KIAA1328: variants seen among roughly 807,000 people sequenced by gnomAD.
The protein encoded by KIAA1328 is KIAA1328.
A neutral mutation model predicts 68.1 loss-of-function variants in KIAA1328; 52 were observed. The observed-to-expected ratio is 0.76, with a 90% CI of 0.61 to 0.96. The LOEUF (loss-of-function observed/expected upper bound fraction) is 0.96, where lower values mean the gene tolerates loss of function less well. Among genes scored for constraint, KIAA1328 ranks in the 40% least tolerant of loss-of-function variants. The pLI is 0.00. For missense variants in KIAA1328, 641 were observed against 677.6 expected, an observed-to-expected ratio of 0.95 and a Z score of 0.60; for synonymous variants, 232 against 239.4, an observed-to-expected ratio of 0.97 and a Z score of 0.28.
At chr18:36,885,261 T>C (rs2150981797) in intron 4 of KIAA1328, among the ~76,000 whole-genome samples, 1 of 152,316 alleles carries the variant, frequency 6.6e-6, no homozygotes. Context: ...AATATATTTC[T>C]GTCCTGGATT....
At chr18:37,232,143 A>G (rs1194843777), downstream of KIAA1328, 1 of 152,216 alleles carries the variant, frequency 6.6e-6, no homozygotes, top group Non-Finnish European at 1.5e-5. Flanking sequence ...AGACTTTCTT[A>G]CATTGTAATA....
chr18:36,986,381 C>G (rs1333825317), intron 6 of KIAA1328, among the ~76,000 whole-genome samples: 2 of 150,822 alleles, frequency 1.3e-5, no homozygotes, highest in African/African-American at 2.4e-5. Context: ...CATAAAAACC[C>G]TAGAAGAAAA....
At chr18:37,130,132 T>A (rs2058487476) in intron 7 of KIAA1328, among the ~76,000 whole-genome samples, 1 of 152,152 alleles carries the variant, frequency 6.6e-6, no homozygotes, top group South Asian at 2.1e-4. Context: ...GGTTTATGGA[T>A]AATATATGGC....
Position 37,203,832 on chromosome 18 carries a change from C to T in KIAA1328, c.1524-18185C>T, listed in dbSNP as rs575651598. On this transcript the variant is annotated intron_variant, in intron 9 of 9. Transcript: ENST00000280020. ...AGATTCTTTTTTTTTTTTTTTGAGACGGAGTCTCGCTCTGTCGCCCAGGCT... is the reference window on the plus strand; with the variant it reads ...AGATTCTTTTTTTTTTTTTTTGAGATGGAGTCTCGCTCTGTCGCCCAGGCT... Among the ~76,000 whole-genome samples the T allele has an allele frequency of 4.9e-3, 729 of 148,554 alleles. 1 individual carries two copies. The highest frequency in any genetic ancestry group is 0.017 in the Middle Eastern group (5 of 288).
At chr18:37,055,716 A>G (rs2055881407) in intron 6 of KIAA1328, among the ~76,000 whole-genome samples, 2 of 152,254 alleles carry the variant, frequency 1.3e-5, no homozygotes, top group South Asian at 4.1e-4. Flanking sequence ...TAGGTTTAGA[A>G]ATATTTATTT....
intron 5 of KIAA1328, among the ~76,000 whole-genome samples, chr18:36,907,854 T>A (rs1049797374): frequency 2.6e-5 from 4 of 152,158 alleles, no homozygotes; most frequent in African/African-American, 9.7e-5. Flanking sequence ...TGTTAAAATT[T>A]ACTAAGAAAC....
chr18:37,128,527 C>A (rs2058446115), intron 7 of KIAA1328, among the ~76,000 whole-genome samples: 1 of 152,214 alleles, frequency 6.6e-6, no homozygotes, highest in African/African-American at 2.4e-5. Flanking sequence ...GGATGTGGAG[C>A]AATGGGAACT....
intron 6 of KIAA1328, among the ~76,000 whole-genome samples, chr18:37,066,482 A>G (rs1429082067): frequency 1.3e-5 from 2 of 150,372 alleles, no homozygotes; most frequent in Non-Finnish European, 2.9e-5. Flanking sequence ...ATGCTGTGTA[A>G]TGGCCAAAGA....
downstream of KIAA1328, chr18:37,229,568 G>T (rs1263161665): frequency 1.6e-6 from 2 of 1,276,116 alleles, no homozygotes; most frequent in African/African-American, 1.5e-5. Context: ...CCTATTTCTA[G>T]TCAATCTTCA....
chr18:37,095,922 C>T (rs1335940628), intron 7 of KIAA1328, among the ~76,000 whole-genome samples: 1 of 152,034 alleles, frequency 6.6e-6, no homozygotes, highest in Non-Finnish European at 1.5e-5. Flanking sequence ...ACGCAGTGTA[C>T]CATAATTGAA....
intron 4 of KIAA1328, among the ~76,000 whole-genome samples, chr18:36,852,392 A>G (rs142006214): frequency 2.6e-5 from 4 of 152,200 alleles, no homozygotes; most frequent in African/African-American, 9.6e-5. Flanking sequence ...GTGAGTAAAC[A>G]GAAAACTGTT....
At chr18:36,888,015 T>C (rs553283701) in intron 5 of KIAA1328, among the ~76,000 whole-genome samples, 20 of 152,366 alleles carry the variant, frequency 1.3e-4, no homozygotes, top group East Asian at 3.9e-4. Flanking sequence ...TAGACTGTTA[T>C]ATTTAGCACT....
chr18:37,227,303 C>CA (rs2060645261), downstream of KIAA1328, among the ~76,000 whole-genome samples: 1 of 152,306 alleles, frequency 6.6e-6, no homozygotes, highest in Admixed American at 6.5e-5. Context: ...TACCTAGGAT[C>CA]ATTGATGAAG....
chr18:36,909,468 C>A (rs1334657004), intron 5 of KIAA1328, among the ~76,000 whole-genome samples: 3 of 151,950 alleles, frequency 2.0e-5, no homozygotes, highest in African/African-American at 7.3e-5. Context: ...TGAACTCATC[C>A]TTTTTTATGG....
chr18:36,862,475 T>C (rs1180203733), intron 4 of KIAA1328, among the ~76,000 whole-genome samples: 1 of 151,558 alleles, frequency 6.6e-6, no homozygotes, highest in Admixed American at 6.6e-5. Flanking sequence ...GACTGACTTC[T>C]TTTTTTTTAA....
intron 9 of KIAA1328, among the ~76,000 whole-genome samples, chr18:37,205,942 G>C (rs1342632646): frequency 6.6e-6 from 1 of 152,154 alleles, no homozygotes; most frequent in Admixed American, 6.5e-5. Context: ...GGAATATTGA[G>C]ACCATAAATG....
intron 3 of KIAA1328, among the ~76,000 whole-genome samples, chr18:36,837,519 T>C (rs1008014311): frequency 2.0e-5 from 3 of 152,156 alleles, no homozygotes; most frequent in African/African-American, 7.2e-5. Flanking sequence ...CTAATATTTT[T>C]TCTCATTCTA....
At chr18:37,077,480 C>A (rs2056782627) in intron 7 of KIAA1328, among the ~76,000 whole-genome samples, 3 of 149,662 alleles carry the variant, frequency 2.0e-5, no homozygotes, top group Admixed American at 2.0e-4. Context: ...AAGTTCTGGC[C>A]AGGGCAATTA....
intron 4 of KIAA1328, among the ~76,000 whole-genome samples, chr18:36,874,263 G>A (rs888090125): frequency 6.6e-5 from 10 of 152,112 alleles, no homozygotes; most frequent in East Asian, 3.9e-4. Context: ...GAATCGCCAC[G>A]CTGTCTTCCA....
Sources: gnomAD v4.1 joint callset for allele counts (sites outside exome capture counted in the v4.1 genomes callset) on GRCh38, gnomAD v4.1.1 for gene constraint, MANE v1.5 for transcripts, NCBI Gene and HGNC (gene_info 2026-07-23, HGNC 2026-07-21) for gene names.